The following HOOK2 variants were observed in gnomAD, a reference collection of about 807,000 sequenced individuals.
The protein encoded by HOOK2 is protein Hook homolog 2.
A neutral mutation model predicts 111.9 loss-of-function variants in HOOK2; 108 were observed. The observed-to-expected ratio is 0.96, with a 90% confidence interval of 0.83 to 1.13. The LOEUF (loss-of-function observed/expected upper bound fraction) is 1.13. HOOK2 is among the 50% of genes most tolerant of loss of function. The pLI is 0.00. For synonymous variants in HOOK2, 405 were observed against 394.3 expected, an observed-to-expected ratio of 1.03 and a Z score of -0.32; for missense variants, 978 against 951.3, an observed-to-expected ratio of 1.03 and a Z score of -0.37.
At chr19:12,767,776 AC>A in intron 13 of HOOK2, 39 bp downstream of exon 13, 1 of 1,571,234 alleles carries the variant, frequency 6.4e-7, no homozygotes, top group Non-Finnish European at 8.6e-7. Flanking sequence ...CAAACAGTAC[AC>A]CAGGACAGGT....
At chr19:12,771,707 C>T in intron 7 of HOOK2, 1 of 542,450 alleles carries the variant, frequency 1.8e-6, no homozygotes, top group Non-Finnish European at 3.3e-6. Flanking sequence ...ACGTGGCGAA[C>T]CCCTTCTCTA....
At chr19:12,781,199 A>C (rs1430936076), upstream of HOOK2, among the ~76,000 whole-genome samples, 1 of 141,530 alleles carries the variant, frequency 7.1e-6, no homozygotes, top group South Asian at 2.3e-4. Context: ...GCTACTCGGG[A>C]GGCTGAGGCA....
upstream of HOOK2, among the ~76,000 whole-genome samples, chr19:12,777,527 C>A (rs1435818687): frequency 6.6e-6 from 1 of 152,200 alleles, no homozygotes; most frequent in Non-Finnish European, 1.5e-5. Context: ...TTGACTCCAG[C>A]AGTAGATAAG....
At chr19:12,772,518 C>A in intron 6 of HOOK2, 95 bp downstream of exon 6, 1 of 1,395,016 alleles carries the variant, frequency 7.2e-7, no homozygotes. Context: ...AGAGTCCAGA[C>A]CTTACCAGGG....
rs1339186696 is a variant in HOOK2 at position 12,786,404 on chromosome 19, C to CGT, written n.42-12181_42-12180dup. 6.6e-6 allele frequency among the ~76,000 whole-genome samples: 1 copy of CGT among 152,064 alleles called. No homozygotes were observed. The highest frequency in any genetic ancestry group is 2.4e-5 in the African/African-American group (1 of 41,422). ...CTATTTATAAGAAGGAGAAGTCCCT[C>CGT]GTGCCAAGACCAAAAGCCCCGAAGA... is the stretch of plus-strand genomic sequence containing the variant. On this transcript the variant is annotated intron_variant and non_coding_transcript_variant, in intron 3 of 3. Coordinates refer to the HOOK2 transcript ENST00000589765. The surrounding 1 kb of genome is among the most constrained non-coding windows in gnomAD (Gnocchi z 4.3).
chr19:12,792,258 G>T, intron 3 of HOOK2: 1 of 1,497,284 alleles, frequency 6.7e-7, no homozygotes. Flanking sequence ...GGGCGCTACC[G>T]GGGGGCCCCC....
At chr19:12,775,008 GCTCCGCCACAGCAGCTCTGCGAGGGA>G in intron 1 of HOOK2, 111 bp from the exon 2 acceptor site, 1 of 1,178,250 alleles carries the variant, frequency 8.5e-7, no homozygotes, top group Non-Finnish European at 1.2e-6. Flanking sequence ...GGCGGGCGCT[GCTCCGCCACAGCAGCTCTGCGAGGGA>G]CTGGCTTCTG....
chr19:12,774,922 G>T (rs1344085143), intron 1 of HOOK2, 25 bp from the exon 2 acceptor site: 2 of 1,603,392 alleles, frequency 1.2e-6, no homozygotes, highest in Admixed American at 1.7e-5. Flanking sequence ...AAAGGACAAG[G>T]AAAGAGTTAG....
intron 20 of HOOK2, among the ~76,000 whole-genome samples, chr19:12,763,984 G>A (rs1968074252): frequency 6.6e-6 from 1 of 152,062 alleles, no homozygotes; most frequent in African/African-American, 2.4e-5. Flanking sequence ...GAGCCATTGT[G>A]CCCATCCAGC....
chr19:12,775,029 G>C, intron 1 of HOOK2, 132 bp from the exon 2 acceptor site: 1 of 1,118,794 alleles, frequency 8.9e-7, no homozygotes, highest in Non-Finnish European at 1.3e-6. Context: ...GCAGCTCTGC[G>C]AGGGACTGGC....
chr19:12,781,272 C>T (rs1343600415), upstream of HOOK2, among the ~76,000 whole-genome samples: 4 of 149,480 alleles, frequency 2.7e-5, no homozygotes, highest in South Asian at 2.1e-4. Context: ...CACTGCACTC[C>T]AGCCTGGGCG....
rs954880725 is a variant in HOOK2 at position 12,786,059 on chromosome 19, G to A, written n.42-11834C>T. On this transcript the variant is annotated intron_variant and non_coding_transcript_variant, in intron 3 of 3. Transcript: ENST00000589765. This position sits in a 1 kb window ranked among gnomAD's most constrained non-coding sequence, Gnocchi z 4.3. ...CCAACCATGTCAGCCTGGAGAGAGAGAAAGAGAGAGACTCTCCTTCCTGCT... is the reference window on the plus strand; with the variant it reads ...CCAACCATGTCAGCCTGGAGAGAGAAAAAGAGAGAGACTCTCCTTCCTGCT... Among the ~76,000 whole-genome samples, 2 of 152,180 alleles carry A rather than the reference G, an allele frequency of 1.3e-5. No homozygotes were observed. Among genetic ancestry groups the A allele is most frequent in the African/African-American group, 2.4e-5 (1 of 41,442 alleles).
At chr19:12,764,176 G>A (rs946815007) in intron 20 of HOOK2, among the ~76,000 whole-genome samples, 5 of 147,648 alleles carry the variant, frequency 3.4e-5, no homozygotes, top group East Asian at 4.1e-4. Flanking sequence ...TACCAATCCC[G>A]CCTAATTTTT....
At chr19:12,765,522 TG>T in intron 18 of HOOK2, 167 bp downstream of exon 18, 2 of 892,656 alleles carry the variant, frequency 2.2e-6, no homozygotes, top group Non-Finnish European at 3.6e-6. Context: ...CCAAAGCGGG[TG>T]GATCATCTGG....
At position 12,786,683 on chromosome 19, in the gene HOOK2, G is replaced by A. The variant is rs568878316; in HGVS notation, n.42-12458C>T. On this transcript the variant is annotated intron_variant and non_coding_transcript_variant, in intron 3 of 3. Coordinates refer to the HOOK2 transcript ENST00000589765. The surrounding 1 kb of genome is among the most constrained non-coding windows in gnomAD (Gnocchi z 4.3). ...GGGGTGGTGCCCAGGCCACAAGGGT[G>A]ACACTGGCAGAGGCCTGGAACCGGC... 3.3e-5 allele frequency among the ~76,000 whole-genome samples: 5 copies of A among 152,332 alleles called. No individual in the cohort carries two copies. The highest frequency in any genetic ancestry group is 2.1e-4 in the South Asian group (1 of 4,832).
Position 12,771,264 on chromosome 19 carries a change from C to A in HOOK2, c.656G>T (p.Arg219Leu). The change falls in exon 9 of 23, where the codon CGG (arginine) becomes CTG (leucine). Residue 219 changes from arginine (R) to leucine (L), a missense_variant. Arg to Leu is a moderately radical substitution (Grantham distance 102). Transcript: ENST00000397668. ...QSLAQENAGL[R>L]ERMGRPEGEG... is the part of the protein sequence containing the mutation. The stretch of plus-strand genomic sequence containing the variant: ...GCCTTCAGGCCGGCCCATCCGCTCC[C>A]GCAGCCCTGCATTCTCTTGCGCCAG... The A allele has an allele frequency of 1.2e-6, 2 of 1,605,862 alleles. No individual in the cohort carries two copies. Among genetic ancestry groups the A allele is most frequent in the Non-Finnish European group, 1.7e-6 (2 of 1,176,008 alleles).
Position 12,764,981 on chromosome 19 carries a change from T to G in HOOK2, c.1723+18A>C, listed in dbSNP as rs756983074. The G allele has an allele frequency of 6.2e-7, 1 of 1,614,064 alleles. No homozygotes were observed. The highest frequency in any genetic ancestry group is 8.5e-7 in the Non-Finnish European group (1 of 1,179,938). ...GCTCTGGGATCTCCCCACCCTCTGG[T>G]CACTAGGTCCTACTTACTGCTGCTG... On this transcript the variant is annotated intron_variant, in intron 19 of 22. Coordinates refer to ENST00000397668, the MANE Select transcript of HOOK2 (RefSeq NM_013312.3).
chr19:12,791,695 G>T lies in HOOK2; in HGVS notation n.42-17470C>A. ...AGGCACCCAGTCCGGTCACCGCAGC[G>T]GAGAGCTCGCCGCTCGCTGCAGCGA... On this transcript the variant is annotated intron_variant and non_coding_transcript_variant, in intron 3 of 3. Transcript: ENST00000589765. The surrounding 1 kb of genome is among the most constrained non-coding windows in gnomAD (Gnocchi z 7.0). 7.0e-6 allele frequency: 8 copies of T among 1,136,292 alleles called. No individual in the cohort carries two copies. The highest frequency in any genetic ancestry group is 9.8e-6 in the Non-Finnish European group (8 of 817,008). The allele number at this position is 1,136,292 out of a possible 1,614,324, so 70.4% of individuals were successfully genotyped here. A position where few individuals can be genotyped will look rare whatever the true frequency, so the allele number is the denominator to read the frequency against.
Position 12,764,931 on chromosome 19 carries a change from T to C in HOOK2, c.1724-14A>G, listed in dbSNP as rs202166321. 289 of 1,613,864 alleles carry C rather than the reference T, an allele frequency of 1.8e-4. 5 individuals are homozygous for C. In the South Asian group the frequency reaches 2.9e-3, roughly 16 times the overall value. ...TCCGCCGGGCTGCTGGCGGAAGAGG[T>C]GGCCCATCAGCTCCACGCTGCTGGG... On this transcript the variant is annotated splice_polypyrimidine_tract_variant and intron_variant, in intron 19 of 22. Transcript: ENST00000397668.
Sources: gnomAD v4.1 joint callset for allele counts (sites outside exome capture counted in the v4.1 genomes callset) on GRCh38, gnomAD v4.1.1 for gene constraint, Gnocchi (gnomAD v3.1) non-coding constraint, MANE v1.5 for transcripts, NCBI Gene and HGNC (gene_info 2026-07-23, HGNC 2026-07-21) for gene names.